Variants in WWC2 observed in about 807,000 individuals in gnomAD.
WWC2 encodes the protein WW and C2 domain containing 2.
WWC2 carries 101 observed loss-of-function variants against 138.5 expected under a neutral mutation model. The observed-to-expected ratio is 0.73, with a 90% confidence interval of 0.62 to 0.86. WWC2 has a LOEUF of 0.86. WWC2 is among the 40% of genes least tolerant of loss of function. The probability of loss-of-function intolerance (pLI) is 0.00; values close to 1 mark genes in which losing one functional copy is unlikely to be tolerated. For synonymous variants in WWC2, 558 were observed against 538.4 expected (o/e 1.04, Z -0.50); for missense variants, 1,420 against 1,419.4 (o/e 1.00, Z -0.01).
intron 9 of WWC2, among the ~76,000 whole-genome samples, chr4:183,256,938 G>T (rs767044628): frequency 1.5e-5 from 2 of 132,040 alleles, no homozygotes; most frequent in Non-Finnish European, 3.1e-5. Context: ...CTGCAGTGTC[G>T]CCCACTGGGC....
intron 1 of WWC2, among the ~76,000 whole-genome samples, chr4:183,190,058 C>T (rs1021356317): frequency 3.9e-5 from 6 of 152,164 alleles, no homozygotes; most frequent in African/African-American, 1.4e-4. Context: ...CCGTTTTCTT[C>T]ATAATATGAA....
intron 1 of WWC2, among the ~76,000 whole-genome samples, chr4:183,100,653 C>T (rs1415287407): frequency 1.3e-5 from 2 of 152,166 alleles, no homozygotes; most frequent in Non-Finnish European, 2.9e-5. Context: ...TAACATTTTC[C>T]CTTTTCTCAA....
chr4:183,099,316 C>A lies in WWC2; in HGVS notation c.-176C>A. ...GACTGATCCGCAGCGGGGCCGCGAA[C>A]AGCGTTTCCTGAGGCACCTCCCGCG... On this transcript the variant is annotated 5_prime_UTR_variant, in exon 1 of 23. Coordinates refer to ENST00000403733, the MANE Select transcript of WWC2 (RefSeq NM_024949.6). The A allele has an allele frequency of 2.0e-6, 1 of 496,878 alleles. No homozygotes were observed. The highest frequency in any genetic ancestry group is 2.8e-6 in the Non-Finnish European group (1 of 351,938). 30.8% of individuals were successfully genotyped at this position (496,878 alleles called of 1,614,324 possible). A position where few individuals can be genotyped will look rare whatever the true frequency, so the allele number is the denominator to read the frequency against.
intron 1 of WWC2, among the ~76,000 whole-genome samples, chr4:183,189,401 C>G (rs912373076): frequency 6.7e-6 from 1 of 149,790 alleles, no homozygotes; most frequent in African/African-American, 2.5e-5. Context: ...CGCGCCACTG[C>G]ACTGTGGCCT....
intron 2 of WWC2, among the ~76,000 whole-genome samples, chr4:183,194,812 A>G (rs1735090234): frequency 6.6e-6 from 1 of 152,244 alleles, no homozygotes; most frequent in Non-Finnish European, 1.5e-5. Context: ...GTTTCAGTAG[A>G]ACACCTGTCA....
At position 183,312,827 on chromosome 4, in the gene WWC2, C is replaced by T. The variant is rs371063113; in HGVS notation, c.3512+359C>T. Among the ~76,000 whole-genome samples, 11 of 152,194 alleles carry T rather than the reference C, an allele frequency of 7.2e-5. No homozygotes were observed. The East Asian group carries it at 9.8e-4, about 14-fold the overall frequency. ...TCCTTGGGCAGCCCCAGAAACCTTA[C>T]ACCTTGTCAGGCTCTGAGATGTGGA... On this transcript the variant is annotated intron_variant, in intron 22 of 22. Coordinates refer to ENST00000403733, the MANE Select transcript of WWC2 (RefSeq NM_024949.6).
intron 21 of WWC2, among the ~76,000 whole-genome samples, chr4:183,293,474 G>A (rs1400870921): frequency 6.6e-6 from 1 of 152,192 alleles, no homozygotes; most frequent in Non-Finnish European, 1.5e-5. Context: ...GAGACAGGAA[G>A]CTCCTCACCT....
intron 1 of WWC2, among the ~76,000 whole-genome samples, chr4:183,133,801 T>A (rs1180453652): frequency 1.3e-5 from 2 of 152,192 alleles, no homozygotes; most frequent in Non-Finnish European, 2.9e-5. Context: ...CGCCTTCTCA[T>A]GTTTTTCTTG....
At chr4:183,247,648 C>A (rs182359739) in intron 6 of WWC2, among the ~76,000 whole-genome samples, 24 of 128,574 alleles carry the variant, frequency 1.9e-4, no homozygotes, top group Admixed American at 5.5e-4. Flanking sequence ...ACTATATATA[C>A]TATATACTAT....
intron 1 of WWC2, among the ~76,000 whole-genome samples, chr4:183,148,933 A>AT (rs1016760545): frequency 9.4e-4 from 138 of 147,558 alleles, no homozygotes; most frequent in Admixed American, 2.0e-3. Context: ...TCAAATCCAA[A>AT]TTTTTTTTTT....
At chr4:183,198,789 T>TTAAA (rs371828203) in intron 2 of WWC2, among the ~76,000 whole-genome samples, 1 of 72,330 alleles carries the variant, frequency 1.4e-5, no homozygotes, top group African/African-American at 5.9e-5. Flanking sequence ...CTCGTCTCTT[T>TTAAA]AAAAAAAAAA....
intron 21 of WWC2, among the ~76,000 whole-genome samples, chr4:183,305,502 A>T (rs1363514496): frequency 6.6e-6 from 1 of 151,130 alleles, no homozygotes; most frequent in Non-Finnish European, 1.5e-5. Context: ...AAAAATTTTG[A>T]AAGAAGCCAG....
chr4:183,167,702 A>T (rs768243996), intron 1 of WWC2, among the ~76,000 whole-genome samples: 1 of 152,162 alleles, frequency 6.6e-6, no homozygotes, highest in African/African-American at 2.4e-5. Flanking sequence ...ACTTTGGTGC[A>T]CTTAGAAAAA....
intron 8 of WWC2, among the ~76,000 whole-genome samples, chr4:183,251,122 T>G (rs1469148808): frequency 6.6e-6 from 1 of 152,222 alleles, no homozygotes; most frequent in Non-Finnish European, 1.5e-5. Context: ...GCCTTTAAAT[T>G]TTCTCTGGGA....
intron 1 of WWC2, among the ~76,000 whole-genome samples, chr4:183,184,109 T>C (rs1427819007): frequency 6.6e-6 from 1 of 152,184 alleles, no homozygotes; most frequent in East Asian, 1.9e-4. Flanking sequence ...GTCATCCTCC[T>C]CCAAGGTACC....
At chr4:183,104,526 T>C (rs1044193713) in intron 1 of WWC2, among the ~76,000 whole-genome samples, 2 of 152,180 alleles carry the variant, frequency 1.3e-5, no homozygotes, top group African/African-American at 4.8e-5. Flanking sequence ...AAAATGAACC[T>C]TGATAGTCTT....
chr4:183,280,175 A>G, intron 16 of WWC2, among the ~76,000 whole-genome samples: 1 of 150,846 alleles, frequency 6.6e-6, no homozygotes, highest in Admixed American at 6.6e-5. Context: ...ACTCTCCATA[A>G]GACTGAATGG....
At chr4:183,185,887 G>A (rs909953221) in intron 1 of WWC2, among the ~76,000 whole-genome samples, 1 of 151,482 alleles carries the variant, frequency 6.6e-6, no homozygotes, top group Non-Finnish European at 1.5e-5. Flanking sequence ...TAAACATTCA[G>A]TAAGTGTTTT....
At chr4:183,203,343 TACCC>T (rs1735355326) in intron 2 of WWC2, among the ~76,000 whole-genome samples, 1 of 152,068 alleles carries the variant, frequency 6.6e-6, no homozygotes. Flanking sequence ...CCTTCTGAGG[TACCC>T]GCATTATCAC....
Sources: allele counts gnomAD v4.1 joint callset (sites outside exome capture counted in the v4.1 genomes callset), GRCh38; gene constraint gnomAD v4.1.1; transcripts MANE v1.5; gene names NCBI Gene and HGNC (gene_info 2026-07-23, HGNC 2026-07-21).